The following AFG2B variants were observed in gnomAD, a reference collection of about 807,000 sequenced individuals.
AFG2B encodes the protein AAA ATPase AFG2B.
At chr15:45,405,259 A>G in the AFG2B span, 3 of 1,479,512 alleles carry the variant, frequency 2.0e-6, no homozygotes, top group Non-Finnish European at 2.7e-6. Context: ...ATCAACTTTA[A>G]AAATAATATA....
chr15:45,417,657 A>T, the AFG2B span: 1 of 346,852 alleles, frequency 2.9e-6, no homozygotes, highest in Non-Finnish European at 5.3e-6. Flanking sequence ...GTTATTTTGC[A>T]ACTAGAGTGG....
the AFG2B span, among the ~76,000 whole-genome samples, chr15:45,408,856 C>T: frequency 2.0e-5 from 3 of 152,170 alleles, no homozygotes; most frequent in Non-Finnish European, 2.9e-5. Flanking sequence ...CACTGCACTC[C>T]AGCCTGGGCA....
chr15:45,403,105 C>T, the AFG2B span: 9 of 1,518,834 alleles, frequency 5.9e-6, no homozygotes, highest in African/African-American at 1.1e-4. Flanking sequence ...CCCGCGCGCC[C>T]TGACCGCGCT....
At chr15:45,421,134 CGTT>C in the AFG2B span, 2 of 1,612,910 alleles carry the variant, frequency 1.2e-6, no homozygotes, top group Non-Finnish European at 1.7e-6. Flanking sequence ...GTAAAACCGT[CGTT>C]AAGTTGCAAG....
the AFG2B span, among the ~76,000 whole-genome samples, chr15:45,408,722 C>T: frequency 6.6e-6 from 1 of 152,180 alleles, no homozygotes; most frequent in Non-Finnish European, 1.5e-5. Flanking sequence ...ATATCCTGCT[C>T]CTCATCAAAC....
the AFG2B span, chr15:45,418,517 T>C: frequency 6.5e-7 from 1 of 1,543,174 alleles, no homozygotes. Context: ...CAAACATAAA[T>C]GTTATAAGAT....
the AFG2B span, among the ~76,000 whole-genome samples, chr15:45,411,199 G>A: frequency 5.9e-5 from 9 of 152,130 alleles, no homozygotes; most frequent in South Asian, 8.3e-4. Flanking sequence ...AACCGTGTCC[G>A]GGGGGAAAAA....
At chr15:45,409,269 C>T in the AFG2B span, among the ~76,000 whole-genome samples, 9 of 150,896 alleles carry the variant, frequency 6.0e-5, no homozygotes, top group Admixed American at 1.3e-4. Flanking sequence ...CCCAGCTACT[C>T]GGTAGGCTGA....
the AFG2B span, chr15:45,415,512 ACAGGATTAT>A: frequency 1.5e-6 from 2 of 1,309,064 alleles, no homozygotes; most frequent in Non-Finnish European, 2.1e-6. Flanking sequence ...AAAAAAAAAA[ACAGGATTAT>A]AAATAGTAAT....
At chr15:45,421,172 T>C in the AFG2B span, 1 of 1,609,356 alleles carries the variant, frequency 6.2e-7, no homozygotes, top group Non-Finnish European at 8.5e-7. Flanking sequence ...TGAAAACTTA[T>C]TTAAGAAAGA....
At chr15:45,407,478 G>A in the AFG2B span, among the ~76,000 whole-genome samples, 9 of 152,144 alleles carry the variant, frequency 5.9e-5, no homozygotes, top group Non-Finnish European at 1.3e-4. Context: ...ATATTAGTTC[G>A]TGTTACCTAA....
At chr15:45,402,579 G>T in the AFG2B span, 2 of 1,572,904 alleles carry the variant, frequency 1.3e-6, no homozygotes, top group East Asian at 2.4e-5. Flanking sequence ...TGAAGATCTC[G>T]CTACCCGACG....
At chr15:45,415,970 C>G in the AFG2B span, 1 of 467,366 alleles carries the variant, frequency 2.1e-6, no homozygotes, top group Non-Finnish European at 3.7e-6. Context: ...TGTGATTTGG[C>G]TAGGAAAGGT....
At chr15:45,419,560 T>C in the AFG2B span, among the ~76,000 whole-genome samples, 1 of 152,046 alleles carries the variant, frequency 6.6e-6, no homozygotes, top group Non-Finnish European at 1.5e-5. Context: ...TTTTACTAAA[T>C]ATAACATTCA....
the AFG2B span, chr15:45,406,949 T>C: frequency 1.8e-6 from 2 of 1,132,680 alleles, no homozygotes; most frequent in South Asian, 1.3e-5. Flanking sequence ...GATGTGAGAA[T>C]AGATGTCTTT....
the AFG2B span, chr15:45,421,052 C>G: frequency 4.3e-6 from 7 of 1,609,296 alleles, no homozygotes; most frequent in African/African-American, 8.0e-5. Context: ...GGCTGCTTTG[C>G]TGGCTCTGCA....
the AFG2B span, among the ~76,000 whole-genome samples, chr15:45,419,594 T>C: frequency 6.6e-6 from 1 of 152,022 alleles, no homozygotes; most frequent in Admixed American, 6.6e-5. Flanking sequence ...ATCATAAGGG[T>C]ACAGTTCATT....
chr15:45,402,387 G>C, the AFG2B span: 1 of 1,555,514 alleles, frequency 6.4e-7, no homozygotes, highest in Admixed American at 2.1e-5. Flanking sequence ...GGGCCGGGTG[G>C]GTTTCCTAAT....
the AFG2B span, among the ~76,000 whole-genome samples, chr15:45,409,564 A>G: frequency 6.6e-6 from 1 of 151,882 alleles, no homozygotes; most frequent in African/African-American, 2.4e-5. Context: ...TATTACATAA[A>G]ATACTTGAAC....
Sources: gnomAD v4.1 joint callset for allele counts (sites outside exome capture counted in the v4.1 genomes callset) on GRCh38, gnomAD v4.1.1 for gene constraint, MANE v1.5 for transcripts, NCBI Gene and HGNC (gene_info 2026-07-23, HGNC 2026-07-21) for gene names.